IL1RAP: variants seen among roughly 807,000 people sequenced by gnomAD.
The protein encoded by IL1RAP is interleukin-1 receptor accessory protein.
A neutral mutation model predicts 60.7 loss-of-function variants in IL1RAP; 35 were observed. The ratio of observed to expected loss-of-function variants is 0.58; its 90% CI spans 0.44 to 0.76. The LOEUF (loss-of-function observed/expected upper bound fraction) is 0.76, where lower values mean the gene tolerates loss of function less well. Ranked by LOEUF, IL1RAP falls within the 30% of genes least tolerant of loss-of-function variation. The pLI, the probability that IL1RAP is intolerant of heterozygous loss-of-function variation, is 0.00. For synonymous variants in IL1RAP, 268 were observed against 250.9 expected (o/e 1.07, Z -0.64); for missense variants, 572 against 693.9 (o/e 0.82, Z 1.97).
At chr3:190,545,327 A>G (rs1306491642) in intron 1 of IL1RAP, among the ~76,000 whole-genome samples, 1 of 152,224 alleles carries the variant, frequency 6.6e-6, no homozygotes, top group African/African-American at 2.4e-5. Context: ...CTGCCGGATC[A>G]TTCATGTAGC....
chr3:190,515,375 T>A (rs933188633), intron 1 of IL1RAP, among the ~76,000 whole-genome samples: 1 of 152,174 alleles, frequency 6.6e-6, no homozygotes, highest in East Asian at 1.9e-4. Flanking sequence ...TCAAAACCAA[T>A]GGCAACTATT....
At chr3:190,528,360 C>A (rs925819082) in intron 1 of IL1RAP, among the ~76,000 whole-genome samples, 2 of 152,124 alleles carry the variant, frequency 1.3e-5, no homozygotes, top group African/African-American at 4.8e-5. Context: ...TTTGTTGGAC[C>A]GGGCATATAA....
chr3:190,640,957 T>TTTTTTA (rs558834388), intron 9 of IL1RAP, among the ~76,000 whole-genome samples: 1 of 151,992 alleles, frequency 6.6e-6, no homozygotes, highest in East Asian at 1.9e-4. Context: ...AGGAAATTCT[T>TTTTTTA]TTTTTATTTT....
At chr3:190,520,489 G>C (rs575955704) in intron 1 of IL1RAP, 5 of 152,130 alleles carry the variant, frequency 3.3e-5, no homozygotes, top group Non-Finnish European at 7.4e-5. Flanking sequence ...TAATAATAAA[G>C]GGCATTTTGC....
chr3:190,654,299 GC>G (rs1433891880), downstream of IL1RAP, among the ~76,000 whole-genome samples: 2 of 151,158 alleles, frequency 1.3e-5, no homozygotes, highest in Non-Finnish European at 2.9e-5. Flanking sequence ...TTTCTCAGGA[GC>G]CAGGAGAAGC....
intron 1 of IL1RAP, among the ~76,000 whole-genome samples, chr3:190,515,969 T>C (rs954346506): frequency 6.6e-6 from 1 of 152,128 alleles, no homozygotes; most frequent in Non-Finnish European, 1.5e-5. Context: ...TTATTGGTAT[T>C]TTAAAGTTAA....
intron 4 of IL1RAP, among the ~76,000 whole-genome samples, chr3:190,608,102 A>G (rs112937987): frequency 1.6e-4 from 25 of 152,324 alleles, no homozygotes; most frequent in African/African-American, 5.1e-4. Flanking sequence ...TAGGTGTTAC[A>G]TATATACACA....
At chr3:190,581,038 G>A (rs1313074348) in intron 3 of IL1RAP, among the ~76,000 whole-genome samples, 2 of 152,164 alleles carry the variant, frequency 1.3e-5, no homozygotes, top group Non-Finnish European at 2.9e-5. Context: ...TGAATTCAGA[G>A]GTCTTCAGAG....
intron 1 of IL1RAP, among the ~76,000 whole-genome samples, chr3:190,524,595 C>T (rs1049618169): frequency 2.0e-5 from 3 of 152,102 alleles, no homozygotes; most frequent in African/African-American, 7.2e-5. Flanking sequence ...AAATCCTTTC[C>T]TCATTTCTTA....
chr3:190,578,518 A>G (rs752034010), intron 3 of IL1RAP, among the ~76,000 whole-genome samples: 1 of 152,246 alleles, frequency 6.6e-6, no homozygotes, highest in Admixed American at 6.5e-5. Flanking sequence ...TTCCTGCATT[A>G]TAACCATGGC....
intron 5 of IL1RAP, among the ~76,000 whole-genome samples, chr3:190,611,388 T>C (rs1172252306): frequency 6.6e-6 from 1 of 152,172 alleles, no homozygotes; most frequent in Non-Finnish European, 1.5e-5. Flanking sequence ...GAATATGTCA[T>C]CCATAAAATC....
intron 5 of IL1RAP, among the ~76,000 whole-genome samples, chr3:190,619,611 G>A (rs1731586494): frequency 6.6e-6 from 1 of 151,952 alleles, no homozygotes; most frequent in African/African-American, 2.4e-5. Flanking sequence ...TGTACTCCCA[G>A]CTTCTCAGGA....
At chr3:190,614,589 G>A (rs889786234) in intron 5 of IL1RAP, among the ~76,000 whole-genome samples, 2 of 152,108 alleles carry the variant, frequency 1.3e-5, no homozygotes, top group Non-Finnish European at 2.9e-5. Flanking sequence ...CCATGTTATC[G>A]TTGAGGAACC....
At chr3:190,612,622 T>C (rs1730918879) in intron 5 of IL1RAP, among the ~76,000 whole-genome samples, 2 of 152,210 alleles carry the variant, frequency 1.3e-5, no homozygotes, top group African/African-American at 4.8e-5. Flanking sequence ...CAGATAGTCC[T>C]CGATTTACTA....
intron 3 of IL1RAP, among the ~76,000 whole-genome samples, chr3:190,578,933 C>T (rs1057177029): frequency 6.6e-6 from 1 of 152,196 alleles, no homozygotes; most frequent in African/African-American, 2.4e-5. Context: ...CACTAGGTCC[C>T]TCCCATGGTA....
intron 1 of IL1RAP, among the ~76,000 whole-genome samples, chr3:190,543,541 T>C (rs999616132): frequency 6.6e-6 from 1 of 152,128 alleles, no homozygotes; most frequent in Admixed American, 6.5e-5. Flanking sequence ...AGGAAGAAGG[T>C]AGAAATTACA....
At chr3:190,556,356 G>T (rs1417474449) in intron 2 of IL1RAP, 140 bp downstream of exon 2, 2 of 151,646 alleles carry the variant, frequency 1.3e-5, no homozygotes, top group Non-Finnish European at 2.9e-5. Context: ...AACACTAATT[G>T]TCATAATATA....
chr3:190,581,749 G>A (rs923642136), intron 3 of IL1RAP, among the ~76,000 whole-genome samples: 76 of 152,254 alleles, frequency 5.0e-4, no homozygotes, highest in Non-Finnish European at 8.5e-4. Flanking sequence ...AAGAATATGG[G>A]AAAAGAAACT....
intron 1 of IL1RAP, among the ~76,000 whole-genome samples, chr3:190,537,428 A>C (rs1392855516): frequency 6.6e-6 from 1 of 152,158 alleles, no homozygotes; most frequent in Admixed American, 6.6e-5. Flanking sequence ...AAGATATTAC[A>C]TTATGAAACA....
Sources: allele counts gnomAD v4.1 joint callset (sites outside exome capture counted in the v4.1 genomes callset), GRCh38; gene constraint gnomAD v4.1.1; transcripts MANE v1.5; gene names NCBI Gene and HGNC (gene_info 2026-07-23, HGNC 2026-07-21).